Variants in PDZD2 observed in about 807,000 individuals in gnomAD.
PDZD2 encodes PDZ domain-containing protein 2.
Under a neutral mutation model 220.7 loss-of-function variants are expected in PDZD2, and 90 were observed. That is an observed-to-expected ratio of 0.41 (90% CI 0.34 to 0.49). The LOEUF (loss-of-function observed/expected upper bound fraction) is 0.49. Ranked by LOEUF, PDZD2 falls within the 20% of genes least tolerant of loss-of-function variation. The pLI is 0.28. For missense variants in PDZD2, 3,174 were observed against 3,608.5 expected (o/e 0.88, Z 3.08); for synonymous variants, 1,375 against 1,450.5 (o/e 0.95, Z 1.18).
intron 20 of PDZD2, among the ~76,000 whole-genome samples, chr5:32,091,611 C>T (rs1743171606): frequency 6.6e-6 from 1 of 152,160 alleles, no homozygotes; most frequent in East Asian, 1.9e-4. Flanking sequence ...CTAATGTTCA[C>T]ATCTCTCATA....
At chr5:32,045,864 AGCTTT>A (rs1253743190) in intron 7 of PDZD2, among the ~76,000 whole-genome samples, 2 of 152,160 alleles carry the variant, frequency 1.3e-5, no homozygotes, top group Non-Finnish European at 2.9e-5. Context: ...TGACTGTATC[AGCTTT>A]CTTCCCACTT....
chr5:31,740,524 C>CAAAAAAAAAAAAAAAAAAA lies in PDZD2; in HGVS notation c.-360-58349_-360-58331dup, dbSNP rs58965956. Among the ~76,000 whole-genome samples the CAAAAAAAAAAAAAAAAAAA allele has an allele frequency of 2.2e-4, 13 of 60,094 alleles. 1 individual carries two copies. The highest frequency in any genetic ancestry group is 4.0e-4 in the East Asian group (1 of 2,510). 39.4% of individuals were successfully genotyped at this position (60,094 alleles called of 152,430 possible). On this transcript the variant is annotated intron_variant, in intron 1 of 24. Coordinates refer to ENST00000438447, the MANE Select transcript of PDZD2 (RefSeq NM_178140.4). ...TGGGTGACAGAGCAAGACTCCGTCT[C>CAAAAAAAAAAAAAAAAAAA]AAAAAAAAAAAAAAAAAAAAAAAAA...
intron 2 of PDZD2, among the ~76,000 whole-genome samples, chr5:31,846,676 CAA>C (rs1424717909): frequency 2.0e-5 from 3 of 152,290 alleles, no homozygotes; most frequent in African/African-American, 7.2e-5. Flanking sequence ...CAGGACAATT[CAA>C]AGTTATATTT....
At chr5:31,930,421 G>A (rs13183316) in intron 2 of PDZD2, among the ~76,000 whole-genome samples, 21,638 of 151,510 alleles carry the variant, frequency 0.14, 1,605 homozygotes, top group South Asian at 0.24. Flanking sequence ...GGATGGTCTC[G>A]ATCTCCTGAC....
chr5:31,760,446 A>G (rs999493832), intron 1 of PDZD2, among the ~76,000 whole-genome samples: 1 of 152,220 alleles, frequency 6.6e-6, no homozygotes, highest in Non-Finnish European at 1.5e-5. Flanking sequence ...GAAATTAGAC[A>G]TGCCTAGGTT....
chr5:31,852,732 GATT>G (rs947617039), intron 2 of PDZD2, among the ~76,000 whole-genome samples: 4 of 151,986 alleles, frequency 2.6e-5, no homozygotes, highest in Admixed American at 2.0e-4. Flanking sequence ...AAGTAGCTGG[GATT>G]ACAGGTGCCC....
chr5:31,999,856 T>G (rs1401238800), intron 4 of PDZD2, among the ~76,000 whole-genome samples: 2 of 152,176 alleles, frequency 1.3e-5, no homozygotes, highest in Non-Finnish European at 2.9e-5. Context: ...TATCAACATC[T>G]CCACCTGGAT....
chr5:32,089,263 G>T lies in PDZD2; in HGVS notation c.5815G>T (p.Asp1939Tyr), dbSNP rs149433149. 3 of 1,614,076 alleles carry T rather than the reference G, an allele frequency of 1.9e-6. No homozygotes were observed. Among genetic ancestry groups the T allele is most frequent in the Non-Finnish European group, 1.7e-6 (2 of 1,180,014 alleles). ...KAVSQRLHVA[D>Y]HEDPDRNTTA... Reference sequence around the variant, plus strand: ...AGTGTCACAGCGGCTCCATGTAGCCGACCACGAGGACCCTGACAGAAACAC... The same window carrying T: ...AGTGTCACAGCGGCTCCATGTAGCCTACCACGAGGACCCTGACAGAAACAC... The change falls in exon 20 of 25, where the codon GAC becomes TAC. Residue 1939 changes from aspartate (D) to tyrosine (Y), a missense_variant. Physicochemically the swap from Asp to Tyr is radical, Grantham distance 160 (BLOSUM62 -3). Transcript: ENST00000438447.
intron 2 of PDZD2, among the ~76,000 whole-genome samples, chr5:31,944,517 T>C (rs886379360): frequency 6.6e-6 from 1 of 152,202 alleles, no homozygotes; most frequent in Non-Finnish European, 1.5e-5. Flanking sequence ...TTTTGATAAA[T>C]CTTAGTTGTA....
chr5:31,999,677 C>A (rs1315931023), intron 4 of PDZD2, among the ~76,000 whole-genome samples: 1 of 152,104 alleles, frequency 6.6e-6, no homozygotes, highest in Non-Finnish European at 1.5e-5. Flanking sequence ...AGGGTCACAT[C>A]CCTGGGAAGA....
At chr5:31,664,105 C>T (rs1745886482) in intron 1 of PDZD2, among the ~76,000 whole-genome samples, 1 of 152,106 alleles carries the variant, frequency 6.6e-6, no homozygotes, top group Non-Finnish European at 1.5e-5. Flanking sequence ...GTAAATATTA[C>T]CTAGCCTGTG....
At chr5:31,764,789 C>T (rs1475005297) in intron 1 of PDZD2, among the ~76,000 whole-genome samples, 1 of 152,108 alleles carries the variant, frequency 6.6e-6, no homozygotes, top group African/African-American at 2.4e-5. Flanking sequence ...CAGAATTGCC[C>T]AAAGGGGCCG....
intron 2 of PDZD2, among the ~76,000 whole-genome samples, chr5:31,865,014 A>G (rs1446172639): frequency 6.6e-6 from 1 of 150,746 alleles, no homozygotes; most frequent in African/African-American, 2.4e-5. Context: ...ACGCCTGGCT[A>G]ATTTTTGTAT....
At chr5:31,820,948 A>G (rs1755800261) in intron 2 of PDZD2, among the ~76,000 whole-genome samples, 1 of 150,958 alleles carries the variant, frequency 6.6e-6, no homozygotes, top group African/African-American at 2.4e-5. Flanking sequence ...TTTACTTGTC[A>G]TCTAAACAAT....
At chr5:31,931,531 G>T (rs970400600) in intron 2 of PDZD2, among the ~76,000 whole-genome samples, 1 of 152,142 alleles carries the variant, frequency 6.6e-6, no homozygotes, top group East Asian at 1.9e-4. Context: ...GGCAGGAGTT[G>T]AGGGTCTGAG....
intron 2 of PDZD2, 88 bp from the exon 3 acceptor site, chr5:31,983,067 C>G: frequency 7.1e-7 from 1 of 1,414,868 alleles, no homozygotes; most frequent in South Asian, 1.4e-5. Flanking sequence ...CTGGTCGTCA[C>G]TTGGGTGGAC....
intron 1 of PDZD2, among the ~76,000 whole-genome samples, chr5:31,752,478 G>A (rs1751057353): frequency 6.6e-6 from 1 of 152,240 alleles, no homozygotes; most frequent in Admixed American, 6.5e-5. Context: ...GAACCTGGGA[G>A]GCAGAGGTTT....
At chr5:32,007,166 C>T (rs1039094601) in intron 5 of PDZD2, among the ~76,000 whole-genome samples, 1 of 151,950 alleles carries the variant, frequency 6.6e-6, no homozygotes, top group Non-Finnish European at 1.5e-5. Context: ...GATCCACCCG[C>T]TTTGGCCTCC....
In PDZD2 at chr5:32,061,140, G is replaced by T; in HGVS notation, c.2451+6G>T. On this transcript the variant is annotated splice_donor_region_variant and intron_variant, in intron 14 of 24. Transcript: ENST00000438447. ...GCCGGCACCCTAATCCAAAGGTGAG[G>T]TGGTCCACCCTCTTCTGAACGTGGG... is the stretch of plus-strand genomic sequence containing the variant. 1 of 1,614,006 alleles carries T rather than the reference G, an allele frequency of 6.2e-7. No individual in the cohort carries two copies. The highest frequency in any genetic ancestry group is 1.1e-5 in the South Asian group (1 of 91,072).
Sources: allele counts gnomAD v4.1 joint callset (sites outside exome capture counted in the v4.1 genomes callset), GRCh38; gene constraint gnomAD v4.1.1; transcripts MANE v1.5; gene names NCBI Gene and HGNC (gene_info 2026-07-23, HGNC 2026-07-21).